The following SMARCD3 variants were observed in gnomAD, a reference collection of about 807,000 sequenced individuals.
The protein encoded by SMARCD3 is SWI/SNF-related matrix-associated actin-dependent regulator of chromatin subfamily D member 3.
In SMARCD3, 14 loss-of-function variants were observed where a neutral mutation model predicts 58.0. The observed-to-expected ratio is 0.24, with a 90% CI of 0.16 to 0.38. SMARCD3 has a LOEUF of 0.38. Ranked by LOEUF, SMARCD3 falls within the 10% of genes least tolerant of loss-of-function variation. The pLI is 1.00. For missense variants in SMARCD3, 408 were observed against 636.9 expected (o/e 0.64, Z 3.87); for synonymous variants, 253 against 253.8 (o/e 1.00, Z 0.03).
chr7:151,253,331 T>G (rs1803589528), upstream of SMARCD3, among the ~76,000 whole-genome samples: 1 of 152,082 alleles, frequency 6.6e-6, no homozygotes, highest in Non-Finnish European at 1.5e-5. Flanking sequence ...AGTAGCTCTC[T>G]CTGGGTGGCT....
At chr7:151,266,263 C>G (rs546799182) in intron 2 of SMARCD3, among the ~76,000 whole-genome samples, 1 of 151,926 alleles carries the variant, frequency 6.6e-6, no homozygotes, top group East Asian at 1.9e-4. Context: ...AGCCACCGCA[C>G]CCGGCCATTT....
rs1802835452 is a variant in SMARCD3, at chr7:151,239,432, C to T, written c.1362G>A (p.Trp454Ter). 6.2e-7 allele frequency: 1 copy of T among 1,613,696 alleles called. No homozygotes were observed. The highest frequency in any genetic ancestry group is 1.3e-5 in the African/African-American group (1 of 74,916). The part of the protein sequence containing the change: ...ERRAEFYHQP[W>*]SQEAVSRYFY... ...AGTAGCGACTGACGGCCTCCTGGGA[C>T]CAGGGCTGGTGGTAGAACTCAGCCC... Residue 454 changes from tryptophan to a stop codon, truncating the protein, a stop_gained, in exon 12 of 13, where the codon TGG becomes TGA. Coordinates refer to ENST00000262188, the MANE Select transcript of SMARCD3 (RefSeq NM_001003801.2). LOFTEE classifies it high-confidence loss of function. This position sits in a 1 kb window ranked among gnomAD's most constrained non-coding sequence, Gnocchi z 7.0.
chr7:151,276,151 G>A (rs936615307), intron 1 of SMARCD3, among the ~76,000 whole-genome samples: 17 of 150,950 alleles, frequency 1.1e-4, no homozygotes, highest in African/African-American at 4.2e-4. Context: ...GGTCGGGGGG[G>A]AGGTGCCCTG....
chr7:151,274,088 C>T (rs1584901352), intron 2 of SMARCD3, among the ~76,000 whole-genome samples: 1 of 152,282 alleles, frequency 6.6e-6, no homozygotes, highest in African/African-American at 2.4e-5. Context: ...TGATGTCTCC[C>T]TCCTCAGTGC....
At chr7:151,252,321 T>G (rs75628373), upstream of SMARCD3, among the ~76,000 whole-genome samples, 3,627 of 151,824 alleles carry the variant, frequency 0.024, 73 homozygotes, top group Non-Finnish European at 0.037. Flanking sequence ...ACGGATTGCT[T>G]GGGAGAGAGC....
In SMARCD3 at chr7:151,240,541, GGA is replaced by G. The variant is rs779233224; in HGVS notation, c.940-21_940-20del. ...CAAAAATCTGAAGCAGGACAATTGG[GGA>G]GAGAGAGATCACTCTTCTTGAAGAG... On this transcript the variant is annotated intron_variant, in intron 8 of 12. Coordinates refer to ENST00000262188, the MANE Select transcript of SMARCD3 (RefSeq NM_001003801.2). 7 of 1,559,184 alleles carry G rather than the reference GGA, an allele frequency of 4.5e-6. No individual in the cohort carries two copies. In the East Asian group the frequency reaches 1.1e-4, roughly 25 times the overall value.
In SMARCD3 at chr7:151,239,384, G is replaced by T; in HGVS notation, c.1398+12C>A. On this transcript the variant is annotated intron_variant, in intron 12 of 12. Transcript: ENST00000262188. This position sits in a 1 kb window ranked among gnomAD's most constrained non-coding sequence, Gnocchi z 7.0. ...AGGATGGGGAAGCCTCAGGGCAAGGGTCCCTGCATACCTTGCAGTAGAAGT... is the reference window on the plus strand; with the variant it reads ...AGGATGGGGAAGCCTCAGGGCAAGGTTCCCTGCATACCTTGCAGTAGAAGT... The T allele has an allele frequency of 6.3e-7, 1 of 1,593,560 alleles. No individual in the cohort carries two copies.
upstream of SMARCD3, among the ~76,000 whole-genome samples, chr7:151,251,724 C>G (rs1261836785): frequency 6.6e-6 from 1 of 151,922 alleles, no homozygotes; most frequent in Non-Finnish European, 1.5e-5. Context: ...GGCGGCCGCC[C>G]GGCGCCCGGC....
chr7:151,272,462 C>T (rs900787002), intron 2 of SMARCD3, among the ~76,000 whole-genome samples: 1 of 152,158 alleles, frequency 6.6e-6, no homozygotes, highest in African/African-American at 2.4e-5. Flanking sequence ...CCTCTCCCTC[C>T]CTTATGGCAC....
intron 2 of SMARCD3, among the ~76,000 whole-genome samples, chr7:151,270,592 G>A (rs1795145508): frequency 6.6e-6 from 1 of 152,330 alleles, no homozygotes; most frequent in Admixed American, 6.5e-5. Context: ...CTCCCTGGAA[G>A]AGGTGGAACT....
chr7:151,266,363 T>G (rs902195075), intron 2 of SMARCD3, among the ~76,000 whole-genome samples: 5 of 152,152 alleles, frequency 3.3e-5, no homozygotes, highest in Non-Finnish European at 1.5e-5. Flanking sequence ...GAACATTTAC[T>G]CCTGTTAATA....
At chr7:151,271,263 G>A (rs149820652) in intron 2 of SMARCD3, among the ~76,000 whole-genome samples, 1 of 152,292 alleles carries the variant, frequency 6.6e-6, no homozygotes, top group African/African-American at 2.4e-5. Context: ...TTACCCTGTG[G>A]CCAGCATTCC....
chr7:151,242,123 G>T lies in SMARCD3; in HGVS notation c.675+14C>A. The T allele has an allele frequency of 6.3e-7, 1 of 1,597,310 alleles. No homozygotes were observed. The highest frequency in any genetic ancestry group is 8.6e-7 in the Non-Finnish European group (1 of 1,164,676). On this transcript the variant is annotated intron_variant, in intron 6 of 12. Transcript: ENST00000262188. The surrounding 1 kb of genome is among the most constrained non-coding windows in gnomAD (Gnocchi z 4.7). ...AGGGTGGCAATTCAAGGGCGGAGGGGCTCTTGGTCTTACCTCAACGAGGTG... is the reference window on the plus strand; with the variant it reads ...AGGGTGGCAATTCAAGGGCGGAGGGTCTCTTGGTCTTACCTCAACGAGGTG...
intron 2 of SMARCD3, among the ~76,000 whole-genome samples, chr7:151,256,175 C>A (rs893358862): frequency 6.6e-6 from 1 of 150,968 alleles, no homozygotes; most frequent in African/African-American, 2.4e-5. Flanking sequence ...AGCCACTGCG[C>A]CTGGCTTTTT....
chr7:151,261,605 G>A (rs1475509976), intron 2 of SMARCD3, among the ~76,000 whole-genome samples: 1 of 152,214 alleles, frequency 6.6e-6, no homozygotes, highest in Non-Finnish European at 1.5e-5. Flanking sequence ...ACGAGCAGCA[G>A]CTGTTAACAT....
chr7:151,240,690 G>A (rs1403140972), intron 8 of SMARCD3, 168 bp from the exon 9 acceptor site: 8 of 596,720 alleles, frequency 1.3e-5, no homozygotes, highest in Middle Eastern at 3.4e-4. Context: ...TGGAGCCACC[G>A]GTATGGCTGA....
chr7:151,269,386 C>T (rs1167315947), intron 2 of SMARCD3, among the ~76,000 whole-genome samples: 1 of 152,224 alleles, frequency 6.6e-6, no homozygotes, highest in Non-Finnish European at 1.5e-5. Flanking sequence ...GCCGGCCCAC[C>T]CTGAGCCATC....
intron 2 of SMARCD3, among the ~76,000 whole-genome samples, chr7:151,258,581 G>T (rs914886652): frequency 2.3e-5 from 3 of 132,928 alleles, no homozygotes; most frequent in African/African-American, 8.2e-5. Flanking sequence ...AAAAAAAAAA[G>T]AAAAAGAAAA....
chr7:151,239,269 A>G lies in SMARCD3; in HGVS notation c.1399-113T>C. On this transcript the variant is annotated intron_variant, in intron 12 of 12. Coordinates refer to ENST00000262188, the MANE Select transcript of SMARCD3 (RefSeq NM_001003801.2). This position sits in a 1 kb window ranked among gnomAD's most constrained non-coding sequence, Gnocchi z 7.0. ...AGAGCATCTGGGAGCAGGGAGGGCC[A>G]TTGCATGGTGAGGCAGCGTGGTGAA... 1.5e-6 allele frequency: 2 copies of G among 1,357,758 alleles called. No homozygotes were observed. The highest frequency in any genetic ancestry group is 2.1e-6 in the Non-Finnish European group (2 of 948,190). 84.1% of individuals were successfully genotyped at this position (1,357,758 alleles called of 1,614,324 possible).
Sources: gnomAD v4.1 joint callset for allele counts (sites outside exome capture counted in the v4.1 genomes callset) on GRCh38, gnomAD v4.1.1 for gene constraint, Gnocchi (gnomAD v3.1) non-coding constraint, MANE v1.5 for transcripts, NCBI Gene and HGNC (gene_info 2026-07-23, HGNC 2026-07-21) for gene names.